GPC5: variants seen among roughly 807,000 people sequenced by gnomAD.
GPC5 encodes glypican 5.
In GPC5, 47 loss-of-function variants were observed where a neutral mutation model predicts 53.9. The observed-to-expected ratio is 0.87, with a 90% CI of 0.69 to 1.11. The LOEUF (loss-of-function observed/expected upper bound fraction) is 1.11. Ranked by LOEUF, GPC5 falls within the 50% of genes most tolerant of loss-of-function variation. The probability of loss-of-function intolerance (pLI) is 0.00; values close to 1 mark genes in which losing one functional copy is unlikely to be tolerated. For synonymous variants in GPC5, 286 were observed against 263.3 expected, an observed-to-expected ratio of 1.09 and a Z score of -0.84; for missense variants, 748 against 713.1, an observed-to-expected ratio of 1.05 and a Z score of -0.56.
chr13:91,670,510 T>A (rs924728310), intron 2 of GPC5, among the ~76,000 whole-genome samples: 1 of 152,082 alleles, frequency 6.6e-6, no homozygotes, highest in Non-Finnish European at 1.5e-5. Flanking sequence ...TTTTGGGAGA[T>A]TAAAGCAAAA....
At chr13:92,651,453 G>T (rs755065257) in intron 7 of GPC5, among the ~76,000 whole-genome samples, 3 of 152,008 alleles carry the variant, frequency 2.0e-5, no homozygotes, top group Non-Finnish European at 4.4e-5. Context: ...CCCAATTGAG[G>T]GGCATTCTAC....
intron 7 of GPC5, among the ~76,000 whole-genome samples, chr13:92,802,666 A>C (rs1025151475): frequency 6.6e-6 from 1 of 151,846 alleles, no homozygotes; most frequent in African/African-American, 2.4e-5. Flanking sequence ...ACATGAACTC[A>C]TCATTTTTTA....
intron 7 of GPC5, among the ~76,000 whole-genome samples, chr13:92,486,089 C>T (rs575800266): frequency 6.6e-6 from 1 of 152,336 alleles, no homozygotes; most frequent in South Asian, 2.1e-4. Flanking sequence ...CTTATTAATA[C>T]ATGCAACTGT....
intron 2 of GPC5, among the ~76,000 whole-genome samples, chr13:91,572,132 T>TATACATGTGTGTGTATATAC (rs2031915867): frequency 8.7e-6 from 1 of 115,308 alleles, no homozygotes; most frequent in Non-Finnish European, 1.9e-5. Flanking sequence ...CGTGTGTATA[T>TATACATGTGTGTGTATATAC]ACACATATGT....
intron 6 of GPC5, among the ~76,000 whole-genome samples, chr13:92,098,934 A>T (rs372910883): frequency 6.7e-6 from 1 of 150,050 alleles, no homozygotes; most frequent in Non-Finnish European, 1.5e-5. Context: ...TAGCAGAAAC[A>T]TGAAACTAAG....
At chr13:92,256,364 C>CA (rs2139135158) in intron 7 of GPC5, among the ~76,000 whole-genome samples, 1 of 151,848 alleles carries the variant, frequency 6.6e-6, no homozygotes, top group Admixed American at 6.6e-5. Context: ...ATAACAACAA[C>CA]AAAAAATGAG....
intron 2 of GPC5, among the ~76,000 whole-genome samples, chr13:91,665,882 C>T (rs11841822): frequency 0.24 from 36,929 of 151,936 alleles, 6,091 homozygotes; most frequent in African/African-American, 0.46. Flanking sequence ...TGAGCACAGT[C>T]GAGTGGATGT....
intron 6 of GPC5, among the ~76,000 whole-genome samples, chr13:92,000,790 G>C (rs1199684698): frequency 6.6e-6 from 1 of 152,088 alleles, no homozygotes; most frequent in African/African-American, 2.4e-5. Context: ...GAAACTGAGA[G>C]GAACCATACC....
intron 6 of GPC5, among the ~76,000 whole-genome samples, chr13:91,973,217 T>C (rs111319754): frequency 0.023 from 3,578 of 152,286 alleles, 140 homozygotes; most frequent in African/African-American, 0.082. Flanking sequence ...TTCATTCATT[T>C]CGTCTTCCAT....
chr13:91,649,254 T>G (rs186425132), intron 2 of GPC5, among the ~76,000 whole-genome samples: 25 of 152,298 alleles, frequency 1.6e-4, no homozygotes, highest in African/African-American at 5.8e-4. Context: ...CTTATAGCAG[T>G]GTGAGAATGG....
intron 7 of GPC5, among the ~76,000 whole-genome samples, chr13:92,190,066 G>A (rs1321175672): frequency 1.3e-5 from 2 of 152,034 alleles, no homozygotes; most frequent in Admixed American, 6.6e-5. Context: ...TGTACAAGCT[G>A]GAGAAAATCA....
chr13:92,126,315 A>G (rs2041696950), intron 6 of GPC5, among the ~76,000 whole-genome samples: 1 of 152,184 alleles, frequency 6.6e-6, no homozygotes, highest in Admixed American at 6.5e-5. Flanking sequence ...GGTGTATGAA[A>G]AAGACAACTG....
intron 7 of GPC5, among the ~76,000 whole-genome samples, chr13:92,543,816 CA>C (rs1468003500): frequency 6.6e-6 from 1 of 151,968 alleles, no homozygotes; most frequent in African/African-American, 2.4e-5. Flanking sequence ...TTAAAATTGA[CA>C]AACGTTTAAG....
chr13:92,311,725 C>T (rs867922536), intron 7 of GPC5, among the ~76,000 whole-genome samples: 14 of 152,218 alleles, frequency 9.2e-5, no homozygotes, highest in Middle Eastern at 3.4e-3. Flanking sequence ...AAAAACCCAC[C>T]CCTATGATTC....
At chr13:92,225,574 G>A (rs2042479149) in intron 7 of GPC5, among the ~76,000 whole-genome samples, 1 of 152,144 alleles carries the variant, frequency 6.6e-6, no homozygotes, top group African/African-American at 2.4e-5. Context: ...CAATAATTGT[G>A]ATTAATTGAC....
At chr13:92,148,344 T>C (rs1351481209) in intron 7 of GPC5, among the ~76,000 whole-genome samples, 4 of 152,124 alleles carry the variant, frequency 2.6e-5, no homozygotes, top group Non-Finnish European at 5.9e-5. Context: ...TATTTCAATA[T>C]GCAAAGTTTT....
At chr13:91,479,224 T>C (rs918984089) in intron 2 of GPC5, among the ~76,000 whole-genome samples, 3 of 152,054 alleles carry the variant, frequency 2.0e-5, no homozygotes, top group African/African-American at 7.2e-5. Context: ...TTAATTAATA[T>C]ATTTCATTTA....
At chr13:91,533,170 G>C (rs1188869176) in intron 2 of GPC5, among the ~76,000 whole-genome samples, 1 of 152,168 alleles carries the variant, frequency 6.6e-6, no homozygotes, top group Admixed American at 6.5e-5. Context: ...TTCAAAAGGA[G>C]GAATGGATGT....
intron 6 of GPC5, among the ~76,000 whole-genome samples, chr13:91,925,707 A>G (rs750558384): frequency 1.3e-5 from 2 of 152,228 alleles, no homozygotes; most frequent in Non-Finnish European, 2.9e-5. Context: ...GAAATTGATT[A>G]AGACCATACT....
Sources: gnomAD v4.1 joint callset for allele counts (sites outside exome capture counted in the v4.1 genomes callset) on GRCh38, gnomAD v4.1.1 for gene constraint, MANE v1.5 for transcripts, NCBI Gene and HGNC (gene_info 2026-07-23, HGNC 2026-07-21) for gene names.